Variants in CCDC47 observed in about 807,000 individuals in gnomAD.
CCDC47 encodes coiled-coil domain containing 47.
CCDC47 carries 41 observed loss-of-function variants against 60.5 expected under a neutral mutation model. That is an observed-to-expected ratio of 0.68 (90% confidence interval 0.53 to 0.88). CCDC47 has a LOEUF of 0.88. CCDC47 is among the 40% of genes least tolerant of loss of function. CCDC47 has a pLI of 0.00. For synonymous variants in CCDC47, 195 were observed against 190.7 expected (o/e 1.02, Z -0.18); for missense variants, 513 against 580.9 (o/e 0.88, Z 1.20).
At chr17:63,769,073 G>A (rs1224725180) in intron 1 of CCDC47, among the ~76,000 whole-genome samples, 3 of 148,100 alleles carry the variant, frequency 2.0e-5, no homozygotes, top group African/African-American at 7.5e-5. Context: ...GACACAGGGA[G>A]ACTCTGTCTC....
intron 1 of CCDC47, among the ~76,000 whole-genome samples, chr17:63,771,005 A>AAGGAAGGAAGG (rs1555717314): frequency 1.1e-5 from 1 of 87,524 alleles, no homozygotes; most frequent in African/African-American, 4.1e-5. Context: ...AAAAAGAAAG[A>AAGGAAGGAAGG]AAGAAAGAAA....
At chr17:63,766,291 T>C in intron 1 of CCDC47, 97 bp from the exon 2 acceptor site, 3 of 1,162,406 alleles carry the variant, frequency 2.6e-6, no homozygotes, top group Non-Finnish European at 3.5e-6. Context: ...CCTGCTTTTC[T>C]CTTATTTGGT....
In CCDC47 at chr17:63,754,456, G is replaced by C; in HGVS notation, c.1011C>G (p.Phe337Leu). The change falls in exon 9 of 13, where the codon TTC becomes TTG. Residue 337 changes from phenylalanine (F) to leucine (L), a missense_variant. Physicochemically the swap from Phe to Leu is conservative, Grantham distance 22. Transcript: ENST00000225726. ...KIESVHFSDQFSGPKIMQEEG... is the reference protein window; with the variant it reads ...KIESVHFSDQLSGPKIMQEEG... Reference sequence around the variant, plus strand: ...ACTCTTGCATAATTTTTGGACCAGAGAACTGGTCTGAAAAATGAACAGATT... The same window carrying C: ...ACTCTTGCATAATTTTTGGACCAGACAACTGGTCTGAAAAATGAACAGATT... The C allele has an allele frequency of 6.2e-7, 1 of 1,603,548 alleles. No individual in the cohort carries two copies. The highest frequency in any genetic ancestry group is 8.5e-7 in the Non-Finnish European group (1 of 1,172,216).
chr17:63,750,352 T>A (rs981333574), intron 12 of CCDC47, among the ~76,000 whole-genome samples: 13 of 152,032 alleles, frequency 8.6e-5, no homozygotes, highest in African/African-American at 3.1e-4. Flanking sequence ...AAAATACCTA[T>A]CACTAAACCA....
intron 2 of CCDC47, 166 bp downstream of exon 2, chr17:63,765,746 T>C (rs1370611142): frequency 1.4e-5 from 20 of 1,404,112 alleles, no homozygotes; most frequent in Non-Finnish European, 1.8e-5. Context: ...ATTCTGTTAA[T>C]GTAAAAGGTG....
chr17:63,754,297 C>T (rs1397734142), intron 9 of CCDC47, 136 bp downstream of exon 9: 2 of 654,456 alleles, frequency 3.1e-6, no homozygotes, highest in Non-Finnish European at 5.5e-6. Context: ...GCAGTCAAAG[C>T]AAAGGAAAAT....
rs192410842 is a variant in CCDC47 at position 63,766,306 on chromosome 17, T to C, written c.-19-112A>G. On this transcript the variant is annotated intron_variant, in intron 1 of 12. Transcript: ENST00000225726. ...CCTGCTTTTCTCTTATTTGGTACTATTAGATTCAGACCACATTATATAAAG... is the reference window on the plus strand; with the variant it reads ...CCTGCTTTTCTCTTATTTGGTACTACTAGATTCAGACCACATTATATAAAG... 2,126 of 1,023,126 alleles carry C rather than the reference T, an allele frequency of 2.1e-3. 7 individuals are homozygous for C. The highest frequency in any genetic ancestry group is 4.6e-3 in the Admixed American group (152 of 33,018). 63.4% of individuals were successfully genotyped at this position (1,023,126 alleles called of 1,614,324 possible).
intron 8 of CCDC47, 34 bp downstream of exon 8, chr17:63,756,206 G>T: frequency 6.9e-7 from 1 of 1,449,252 alleles, no homozygotes; most frequent in Non-Finnish European, 9.7e-7. Flanking sequence ...TAAATGCCAA[G>T]GCCTGGCAAA....
At chr17:63,756,381 T>G in intron 7 of CCDC47, 31 bp from the exon 8 acceptor site, 1 of 1,594,660 alleles carries the variant, frequency 6.3e-7, no homozygotes, top group Non-Finnish European at 8.6e-7. Flanking sequence ...AAGTAAGATA[T>G]GACCTTTTAT....
At chr17:63,755,263 G>C (rs141032797) in intron 8 of CCDC47, 14 of 982,468 alleles carry the variant, frequency 1.4e-5, no homozygotes, top group Non-Finnish European at 1.7e-5. Context: ...CACAGCGCGC[G>C]GACAAGGCTA....
In CCDC47 at chr17:63,765,156, G is replaced by A. The variant is rs574397344; in HGVS notation, c.265-309C>T. The A allele has an allele frequency of 2.9e-4, 31 of 108,316 alleles. 1 individual carries two copies. The South Asian group carries it at 0.01, about 36-fold the overall frequency. The allele number at this position is 108,316 out of a possible 1,614,324, so 6.7% of individuals were successfully genotyped here. A position where few individuals can be genotyped will look rare whatever the true frequency, so the allele number is the denominator to read the frequency against. On this transcript the variant is annotated intron_variant, in intron 2 of 12. Transcript: ENST00000225726. ...CACACACACACACACACACACACAC[G>A]GAGGCAACTATGTTAATTAGCTTGA...
chr17:63,771,198 A>G (rs1294356622), intron 1 of CCDC47, among the ~76,000 whole-genome samples: 1 of 152,140 alleles, frequency 6.6e-6, no homozygotes, highest in African/African-American at 2.4e-5. Flanking sequence ...CCAACCACAG[A>G]TGGAACAGAT....
intron 12 of CCDC47, among the ~76,000 whole-genome samples, chr17:63,749,548 T>C (rs2039146833): frequency 6.8e-6 from 1 of 147,866 alleles, no homozygotes; most frequent in Admixed American, 6.7e-5. Flanking sequence ...GGTCAAGAGA[T>C]TGAAACTATC....
rs2039369130 is a variant in CCDC47, at chr17:63,773,520, G to A, written c.-128C>T. ...GCGATCGCAGCGGTTTTACTGCCCC[G>A]GATGCCTCTAGGACGCAGCCAGAAC... On this transcript the variant is annotated 5_prime_UTR_variant, in exon 1 of 13. Transcript: ENST00000225726. The A allele has an allele frequency of 1.3e-5, 2 of 152,622 alleles. No individual in the cohort carries two copies. Among genetic ancestry groups the A allele is most frequent in the African/African-American group, 2.4e-5 (1 of 41,472 alleles). 9.5% of individuals were successfully genotyped at this position (152,622 alleles called of 1,614,324 possible).
chr17:63,771,828 T>C (rs957153912), intron 1 of CCDC47, among the ~76,000 whole-genome samples: 10 of 152,144 alleles, frequency 6.6e-5, no homozygotes, highest in Non-Finnish European at 1.2e-4. Flanking sequence ...ACGTCTGTAA[T>C]CTCAGCACTT....
chr17:63,755,346 G>A (rs1241817609), intron 8 of CCDC47: 2 of 974,998 alleles, frequency 2.1e-6, no homozygotes, highest in African/African-American at 3.5e-5. Flanking sequence ...CAGGCTGGGT[G>A]CAGTGGCTCA....
At chr17:63,771,312 G>C (rs543917363) in intron 1 of CCDC47, among the ~76,000 whole-genome samples, 1 of 152,164 alleles carries the variant, frequency 6.6e-6, no homozygotes, top group Non-Finnish European at 1.5e-5. Flanking sequence ...TAAGTATATG[G>C]TAGGAGGTGC....
At chr17:63,764,924 G>T (rs1339390762) in intron 2 of CCDC47, 77 bp from the exon 3 acceptor site, 2 of 1,547,330 alleles carry the variant, frequency 1.3e-6, no homozygotes, top group East Asian at 4.7e-5. Context: ...GGCAACATTT[G>T]TTGGGGAAAA....
chr17:63,749,734 C>T (rs1285350641), intron 12 of CCDC47, among the ~76,000 whole-genome samples: 1 of 148,398 alleles, frequency 6.7e-6, no homozygotes, highest in Non-Finnish European at 1.5e-5. Flanking sequence ...GGTGAAAGAG[C>T]GAGACTCTGT....
Sources: gnomAD v4.1 joint callset for allele counts (sites outside exome capture counted in the v4.1 genomes callset) on GRCh38, gnomAD v4.1.1 for gene constraint, MANE v1.5 for transcripts, NCBI Gene and HGNC (gene_info 2026-07-23, HGNC 2026-07-21) for gene names.